Variants in PRTFDC1 observed in about 807,000 individuals in gnomAD.
PRTFDC1 encodes the protein phosphoribosyl transferase domain containing 1, also known as phosphoribosyltransferase domain-containing protein 1.
PRTFDC1 carries 38 observed loss-of-function variants against 34.6 expected under a neutral mutation model. The ratio of observed to expected loss-of-function variants is 1.10; its 90% CI spans 0.85 to 1.44. PRTFDC1 has a LOEUF of 1.44. Among genes scored for constraint, PRTFDC1 ranks in the 40% most tolerant of loss-of-function variants. The pLI is 0.00. For synonymous variants in PRTFDC1, 93 were observed against 98.1 expected (o/e 0.95, Z 0.31); for missense variants, 270 against 283.0 (o/e 0.95, Z 0.33).
intron 4 of PRTFDC1, among the ~76,000 whole-genome samples, chr10:24,863,262 G>A (rs1377080363): frequency 6.6e-6 from 1 of 152,092 alleles, no homozygotes; most frequent in Non-Finnish European, 1.5e-5. Flanking sequence ...AAATGCTAGG[G>A]TGCTTAAAAT....
chr10:24,919,166 A>G (rs1399820889), intron 3 of PRTFDC1, among the ~76,000 whole-genome samples: 1 of 152,202 alleles, frequency 6.6e-6, no homozygotes, highest in Non-Finnish European at 1.5e-5. Flanking sequence ...AAAATCCTAT[A>G]CCTGGTACTA....
rs781301085 is a variant in PRTFDC1, at chr10:24,929,054, AAG to A, written c.339+8128_339+8129del. 1.5e-4 allele frequency among the ~76,000 whole-genome samples: 14 copies of A among 93,492 alleles called. 1 individual carries two copies. Among genetic ancestry groups the A allele is most frequent in the African/African-American group, 2.8e-4 (7 of 25,314 alleles). The allele number at this position is 93,492 out of a possible 152,430, so 61.3% of individuals were successfully genotyped here. The stretch of plus-strand genomic sequence containing the variant: ...AGACTCCGTCTCAAAAAAAAAAAAA[AAG>A]AAAGAAAGAAAGAAAGAAAGGGAGG... On this transcript the variant is annotated intron_variant, in intron 3 of 8. Transcript: ENST00000320152.
At chr10:24,908,745 C>T (rs1389553999) in intron 3 of PRTFDC1, 16 of 1,504,860 alleles carry the variant, frequency 1.1e-5, no homozygotes, top group African/African-American at 2.8e-5. Context: ...CTAGCCAGCC[C>T]GATCAGCCTG....
chr10:24,864,013 CAAAAA>C (rs71399939), intron 4 of PRTFDC1, among the ~76,000 whole-genome samples: 2 of 105,936 alleles, frequency 1.9e-5, no homozygotes, highest in Admixed American at 1.0e-4. Flanking sequence ...CAACTCGTCT[CAAAAA>C]AAAAAAAAAA....
In PRTFDC1 at chr10:24,896,420, C is replaced by T. The variant is rs146212243; in HGVS notation, c.340-24357G>A. Among the ~76,000 whole-genome samples the T allele has an allele frequency of 6.7e-3, 1,021 of 152,252 alleles. 7 individuals are homozygous for T. The highest frequency in any genetic ancestry group is 0.02 in the Middle Eastern group (6 of 294). On this transcript the variant is annotated intron_variant, in intron 3 of 8. Coordinates refer to ENST00000320152, the MANE Select transcript of PRTFDC1 (RefSeq NM_020200.7). ...AGCTGTCTTCCACAAAACTGGTCCC[C>T]GGTGACAAAAAGGTCGGGGACTGCT... is the stretch of plus-strand genomic sequence containing the variant.
rs117971942 is a variant in PRTFDC1 at position 24,899,511 on chromosome 10, G to A, written c.340-27448C>T. The stretch of plus-strand genomic sequence containing the variant: ...GACCTGCCACCTCTGACCAACGACC[G>A]CATCCTCCACAAAACTTAGGGGGTG... On this transcript the variant is annotated intron_variant, in intron 3 of 8. Coordinates refer to ENST00000320152, the MANE Select transcript of PRTFDC1 (RefSeq NM_020200.7). Among the ~76,000 whole-genome samples, 772 of 152,128 alleles carry A rather than the reference G, an allele frequency of 5.1e-3. 13 individuals are homozygous for A. The East Asian group carries it at 0.052, about 10-fold the overall frequency.
intron 3 of PRTFDC1, among the ~76,000 whole-genome samples, chr10:24,900,833 T>C (rs1451869011): frequency 6.6e-6 from 1 of 152,192 alleles, no homozygotes; most frequent in Non-Finnish European, 1.5e-5. Context: ...GGGCCGAACA[T>C]TTTATATAAA....
intron 3 of PRTFDC1, among the ~76,000 whole-genome samples, chr10:24,918,060 G>T (rs1463544555): frequency 1.3e-5 from 2 of 152,108 alleles, no homozygotes; most frequent in Non-Finnish European, 2.9e-5. Flanking sequence ...GAGGGGAGGA[G>T]AGCTGTCACC....
At chr10:24,937,156 T>C (rs1849063639) in intron 3 of PRTFDC1, 28 bp downstream of exon 3, 1 of 1,555,778 alleles carries the variant, frequency 6.4e-7, no homozygotes, top group Non-Finnish European at 8.8e-7. Flanking sequence ...AAATGAAATG[T>C]CATAAAGCGG....
intron 3 of PRTFDC1, among the ~76,000 whole-genome samples, chr10:24,932,661 C>T (rs1212387812): frequency 6.6e-6 from 1 of 151,852 alleles, no homozygotes; most frequent in East Asian, 1.9e-4. Context: ...GGAGATATAC[C>T]GTGTTCATGG....
At chr10:24,895,253 CTTTTTTTT>C (rs60331186) in intron 3 of PRTFDC1, among the ~76,000 whole-genome samples, 4 of 105,192 alleles carry the variant, frequency 3.8e-5, no homozygotes, top group African/African-American at 1.2e-4. Context: ...TCTCCACTTT[CTTTTTTTT>C]TTTTTTTTTG....
intron 3 of PRTFDC1, chr10:24,908,705 G>A (rs745900403): frequency 6.4e-7 from 1 of 1,566,434 alleles, no homozygotes; most frequent in South Asian, 1.2e-5. Flanking sequence ...AGACACACAT[G>A]GAGCAGTGAG....
intron 1 of PRTFDC1, chr10:24,951,530 T>C (rs1849344699): frequency 1.0e-6 from 1 of 983,098 alleles, no homozygotes; most frequent in South Asian, 4.7e-5. Flanking sequence ...TGTGACACGT[T>C]TCCCTCCCCA....
At chr10:24,919,042 T>C (rs1227231344) in intron 3 of PRTFDC1, among the ~76,000 whole-genome samples, 1 of 152,188 alleles carries the variant, frequency 6.6e-6, no homozygotes, top group African/African-American at 2.4e-5. Flanking sequence ...ACTTTACTTA[T>C]CAGGTTGTGG....
rs1847436556 is a variant in PRTFDC1 at position 24,848,994 on chromosome 10, A to C, written c.*850T>G. 1 of 152,232 alleles carries C rather than the reference A, an allele frequency of 6.6e-6. No homozygotes were observed. Among genetic ancestry groups the C allele is most frequent in the East Asian group, 1.9e-4 (1 of 5,204 alleles). 9.4% of individuals were successfully genotyped at this position (152,232 alleles called of 1,614,324 possible). On this transcript the variant is annotated 3_prime_UTR_variant, in exon 9 of 9. Transcript: ENST00000320152. Reference sequence around the variant, plus strand: ...AACAGTGTCTTGTCCTTTCATGCAAATAAGAGGAAAAATTTATACTTGCTT... The same window carrying C: ...AACAGTGTCTTGTCCTTTCATGCAACTAAGAGGAAAAATTTATACTTGCTT...
At chr10:24,855,428 C>A in intron 6 of PRTFDC1, 64 bp from the exon 7 acceptor site, 1 of 1,564,300 alleles carries the variant, frequency 6.4e-7, no homozygotes, top group South Asian at 1.1e-5. Context: ...TAAATAGAAT[C>A]AAGCATCATT....
intron 3 of PRTFDC1, among the ~76,000 whole-genome samples, chr10:24,881,884 C>A (rs1294861083): frequency 2.6e-5 from 4 of 151,994 alleles, no homozygotes; most frequent in Non-Finnish European, 4.4e-5. Flanking sequence ...TTCCATCTCT[C>A]TTCGAGTGGA....
intron 3 of PRTFDC1, among the ~76,000 whole-genome samples, chr10:24,906,057 C>A (rs1848529762): frequency 6.6e-6 from 1 of 152,144 alleles, no homozygotes; most frequent in African/African-American, 2.4e-5. Context: ...CCAGTGCCAT[C>A]CATGTTGCAA....
chr10:24,898,760 G>A (rs890186174), intron 3 of PRTFDC1, among the ~76,000 whole-genome samples: 5 of 152,128 alleles, frequency 3.3e-5, no homozygotes, highest in African/African-American at 9.7e-5. Context: ...CCAAGTATAC[G>A]TGTACCACAA....
Sources: gnomAD v4.1 joint callset for allele counts (sites outside exome capture counted in the v4.1 genomes callset) on GRCh38, gnomAD v4.1.1 for gene constraint, MANE v1.5 for transcripts, NCBI Gene and HGNC (gene_info 2026-07-23, HGNC 2026-07-21) for gene names.